DTWD2: variants seen among roughly 807,000 people sequenced by gnomAD.
DTWD2 encodes the protein tRNA-uridine aminocarboxypropyltransferase 2.
A neutral mutation model predicts 31.8 loss-of-function variants in DTWD2; 39 were observed. The ratio of observed to expected loss-of-function variants is 1.22; its 90% CI spans 0.95 to 1.60. The LOEUF is 1.60. DTWD2 is among the 40% of genes most tolerant of loss of function. The pLI, the probability that DTWD2 is intolerant of heterozygous loss-of-function variation, is 0.00. For synonymous variants in DTWD2, 180 were observed against 142.8 expected (o/e 1.26, Z -1.86); for missense variants, 515 against 381.5 (o/e 1.35, Z -2.92).
chr5:118,849,980 G>C (rs1050223998), intron 4 of DTWD2, among the ~76,000 whole-genome samples: 1 of 150,832 alleles, frequency 6.6e-6, no homozygotes, highest in Non-Finnish European at 1.5e-5. Context: ...TAGCAAACCT[G>C]CACATCCTGC....
At position 118,839,774 on chromosome 5, in the gene DTWD2, A is replaced by C. The variant is rs1191768699; in HGVS notation, c.*1143T>G. 6.6e-6 allele frequency: 1 copy of C among 152,246 alleles called. No homozygotes were observed. Among genetic ancestry groups the C allele is most frequent in the Non-Finnish European group, 1.5e-5 (1 of 68,042 alleles). The allele number at this position is 152,246 out of a possible 1,614,324, so 9.4% of individuals were successfully genotyped here. On this transcript the variant is annotated 3_prime_UTR_variant, in exon 6 of 6. Transcript: ENST00000510708. ...AAATATTAGCATTCTAATTGTGACC[A>C]GCATTATACCTTTTAATGAGTCTAA...
At position 118,917,099 on chromosome 5, in the gene DTWD2, T is replaced by C. The variant is rs149985480; in HGVS notation, c.597+11438A>G. ...CTAGTTTTATTGCATTATTTATATG[T>C]AGATGCTTATAATTTGACTACCAAA... On this transcript the variant is annotated intron_variant, in intron 4 of 5. Transcript: ENST00000510708. Among the ~76,000 whole-genome samples, 699 of 152,354 alleles carry C rather than the reference T, an allele frequency of 4.6e-3. 3 individuals are homozygous for C. The highest frequency in any genetic ancestry group is 7.2e-3 in the Non-Finnish European group (489 of 68,022).
rs183083918 is a variant in DTWD2, at chr5:118,983,042, T to C, written c.218+5252A>G. Among the ~76,000 whole-genome samples the C allele has an allele frequency of 5.3e-5, 8 of 152,322 alleles. No individual in the cohort carries two copies. The East Asian group carries it at 1.3e-3, about 26-fold the overall frequency. ...ACTGATTCAACAGTTTCAGTTATTC[T>C]ACATTAACTACCCTAGGAATTACCA... On this transcript the variant is annotated intron_variant, in intron 1 of 5. Coordinates refer to ENST00000510708, the MANE Select transcript of DTWD2 (RefSeq NM_173666.4).
At chr5:118,863,245 C>T (rs1752307316) in intron 4 of DTWD2, among the ~76,000 whole-genome samples, 1 of 152,058 alleles carries the variant, frequency 6.6e-6, no homozygotes, top group African/African-American at 2.4e-5. Flanking sequence ...ATAGTTGTCC[C>T]CAGAAAAGGC....
chr5:118,875,302 G>T (rs531074816), intron 4 of DTWD2, among the ~76,000 whole-genome samples: 2 of 152,070 alleles, frequency 1.3e-5, no homozygotes, highest in Admixed American at 1.3e-4. Context: ...AAACAAGTCT[G>T]CAAAATAACC....
intron 5 of DTWD2, among the ~76,000 whole-genome samples, chr5:118,845,531 T>C (rs1286125195): frequency 6.6e-6 from 1 of 152,232 alleles, no homozygotes; most frequent in Non-Finnish European, 1.5e-5. Context: ...TGTTTTATTA[T>C]GTATTTCTTC....
chr5:118,855,456 T>C (rs893990497), intron 4 of DTWD2, among the ~76,000 whole-genome samples: 1 of 152,100 alleles, frequency 6.6e-6, no homozygotes, highest in Admixed American at 6.5e-5. Context: ...TTCCTGTTGA[T>C]TGCAGGCAAC....
intron 4 of DTWD2, among the ~76,000 whole-genome samples, chr5:118,871,444 T>C (rs1258493752): frequency 6.6e-6 from 1 of 152,202 alleles, no homozygotes; most frequent in Admixed American, 6.5e-5. Context: ...ATGGCAACTA[T>C]AGCCTTATGA....
intron 4 of DTWD2, 52 bp from the exon 5 acceptor site, chr5:118,848,270 T>C (rs1751908627): frequency 4.0e-6 from 6 of 1,500,486 alleles, no homozygotes; most frequent in Non-Finnish European, 5.4e-6. Context: ...TTTAAAATTA[T>C]AAAGTTTGTG....
intron 4 of DTWD2, among the ~76,000 whole-genome samples, chr5:118,903,212 T>C (rs75686150): frequency 0.025 from 3,737 of 151,570 alleles, 160 homozygotes; most frequent in African/African-American, 0.085. Flanking sequence ...ACAAGGTTTC[T>C]CTGGGAAACA....
At position 118,934,272 on chromosome 5, in the gene DTWD2, TAAAAAAAAAAA is replaced by T. The variant is rs397999089; in HGVS notation, c.404+4913_404+4923del. Reference sequence around the variant, plus strand: ...CAACATAGTGAGACCTTGTCTCCATTAAAAAAAAAAAAAAAAAAAAAAAAAAAAAGCAAAGA... The same window carrying T: ...CAACATAGTGAGACCTTGTCTCCATTAAAAAAAAAAAAAAAAAAGCAAAGA... On this transcript the variant is annotated intron_variant, in intron 3 of 5. Coordinates refer to ENST00000510708, the MANE Select transcript of DTWD2 (RefSeq NM_173666.4). Among the ~76,000 whole-genome samples the T allele has an allele frequency of 2.1e-3, 49 of 23,562 alleles. No homozygotes were observed. In the East Asian group the frequency reaches 0.031, roughly 15 times the overall value. 15.5% of individuals were successfully genotyped at this position (23,562 alleles called of 152,430 possible).
chr5:118,903,558 A>C (rs1325195686), intron 4 of DTWD2, among the ~76,000 whole-genome samples: 2 of 152,050 alleles, frequency 1.3e-5, no homozygotes, highest in African/African-American at 4.8e-5. Context: ...TACAAGTATG[A>C]TCTTGTCTCC....
rs767080961 is a variant in DTWD2, at chr5:118,836,720, G to C, written c.*4197C>G. 1.3e-5 allele frequency among the ~76,000 whole-genome samples: 2 copies of C among 152,134 alleles called. No individual in the cohort carries two copies. The highest frequency in any genetic ancestry group is 2.9e-5 in the Non-Finnish European group (2 of 68,024). ...TTTGGGGGATGATTAGGTCATAAGG[G>C]TCTCAGAGAGCTAGCTCGACCCTTC... On this transcript the variant is annotated 3_prime_UTR_variant, in exon 6 of 6. Coordinates refer to ENST00000510708, the MANE Select transcript of DTWD2 (RefSeq NM_173666.4).
intron 4 of DTWD2, among the ~76,000 whole-genome samples, chr5:118,870,637 C>T (rs531422192): frequency 4.6e-5 from 7 of 152,290 alleles, no homozygotes; most frequent in African/African-American, 1.7e-4. Context: ...AGTGAGTCAT[C>T]CTCCTTTGGT....
rs1251702899 is a variant in DTWD2, at chr5:118,838,690, GGAA to G, written c.*2224_*2226del. On this transcript the variant is annotated 3_prime_UTR_variant, in exon 6 of 6. Transcript: ENST00000510708. Reference sequence around the variant, plus strand: ...AGTTAACAGGTCAGTAAAGTAATTTGGAAAACTATACATACTTCAAGAAAATTT... The same window carrying G: ...AGTTAACAGGTCAGTAAAGTAATTTGAACTATACATACTTCAAGAAAATTT... 3 of 151,716 alleles carry G rather than the reference GGAA, an allele frequency of 2.0e-5. No homozygotes were observed. Among genetic ancestry groups the G allele is most frequent in the Non-Finnish European group, 4.4e-5 (3 of 67,946 alleles). 9.4% of individuals were successfully genotyped at this position (151,716 alleles called of 1,614,324 possible).
intron 1 of DTWD2, among the ~76,000 whole-genome samples, chr5:118,947,412 G>A (rs890063934): frequency 6.6e-6 from 1 of 152,222 alleles, no homozygotes; most frequent in Non-Finnish European, 1.5e-5. Context: ...GATGGAGCAG[G>A]AAGGTGATCT....
intron 4 of DTWD2, among the ~76,000 whole-genome samples, chr5:118,890,888 G>A (rs1379832685): frequency 6.6e-6 from 1 of 152,110 alleles, no homozygotes; most frequent in Non-Finnish European, 1.5e-5. Context: ...GTTTTAAAAT[G>A]TGCCTAGTTC....
chr5:118,854,012 T>C (rs974380634), intron 4 of DTWD2, among the ~76,000 whole-genome samples: 4 of 152,202 alleles, frequency 2.6e-5, no homozygotes, highest in African/African-American at 4.8e-5. Flanking sequence ...TAACTTTTAG[T>C]TGGAAAATTT....
chr5:118,909,828 A>G (rs1753418608), intron 4 of DTWD2, among the ~76,000 whole-genome samples: 1 of 152,184 alleles, frequency 6.6e-6, no homozygotes, highest in Non-Finnish European at 1.5e-5. Context: ...ACCTGAAGCC[A>G]CTGTATTCCC....
Sources: allele counts gnomAD v4.1 joint callset (sites outside exome capture counted in the v4.1 genomes callset), GRCh38; gene constraint gnomAD v4.1.1; transcripts MANE v1.5; gene names NCBI Gene and HGNC (gene_info 2026-07-23, HGNC 2026-07-21).